PPEF1: variants seen among roughly 807,000 people sequenced by gnomAD.
The protein encoded by PPEF1 is serine/threonine-protein phosphatase with EF-hands 1.
Under a neutral mutation model 53.3 loss-of-function variants are expected in PPEF1, and 12 were observed. The ratio of observed to expected loss-of-function variants is 0.23; its 90% CI spans 0.14 to 0.36. The LOEUF is 0.36. PPEF1 is among the 10% of genes least tolerant of loss of function. The pLI is 1.00. For missense variants in PPEF1, 334 were observed against 490.4 expected (o/e 0.68, Z 3.01); for synonymous variants, 165 against 176.7 (o/e 0.93, Z 0.52).
At chrX:18,812,116 GT>G (rs1411206069) in intron 12 of PPEF1, among the ~76,000 whole-genome samples, 2 of 111,166 alleles carry the variant, frequency 1.8e-5, no homozygotes, top group Non-Finnish European at 1.9e-5. Flanking sequence ...AGTTTTATAG[GT>G]TTAGCTCCTA....
At chrX:18,711,094 A>G (rs765402704) in intron 1 of PPEF1, among the ~76,000 whole-genome samples, 45 of 105,207 alleles carry the variant, frequency 4.3e-4, no homozygotes, top group Admixed American at 7.4e-4. Flanking sequence ...GTGTGTGTGT[A>G]TATATATATA....
At chrX:18,772,476 G>A (rs924555209) in intron 6 of PPEF1, among the ~76,000 whole-genome samples, 6 of 110,167 alleles carry the variant, frequency 5.4e-5, no homozygotes, top group Non-Finnish European at 9.5e-5. Flanking sequence ...TTTTTGTTGC[G>A]TCTCTGCCAG....
At chrX:18,721,782 T>A (rs151130992) in intron 1 of PPEF1, among the ~76,000 whole-genome samples, 1 of 112,368 alleles carries the variant, frequency 8.9e-6, no homozygotes, top group East Asian at 2.8e-4. Context: ...ATTCTCGCTC[T>A]TGTCTCACTG....
At chrX:18,794,325 A>C (rs1422311822) in intron 10 of PPEF1, among the ~76,000 whole-genome samples, 2 of 112,103 alleles carry the variant, frequency 1.8e-5, no homozygotes, top group East Asian at 5.6e-4. Flanking sequence ...AACAATCTCC[A>C]TTGTTTTCAA....
intron 7 of PPEF1, among the ~76,000 whole-genome samples, chrX:18,781,231 G>A (rs866508403): frequency 9.0e-6 from 1 of 110,585 alleles, no homozygotes; most frequent in East Asian, 2.9e-4. Context: ...AGGTACTATT[G>A]AGTAGGCAGT....
upstream of PPEF1, among the ~76,000 whole-genome samples, chrX:18,682,838 A>G (rs1389406576): frequency 9.0e-6 from 1 of 111,129 alleles, no homozygotes; most frequent in Non-Finnish European, 1.9e-5. Flanking sequence ...CTGGTAGGGT[A>G]GGTGTATTAA....
intron 10 of PPEF1, among the ~76,000 whole-genome samples, chrX:18,797,985 C>T (rs944165817): frequency 2.7e-5 from 3 of 111,357 alleles, no homozygotes; most frequent in Non-Finnish European, 5.6e-5. Context: ...TGAGCCACTG[C>T]GCCCAGTCTT....
At chrX:18,745,133 TTATATTATATATATTATATATTATAA>T (rs2045297354) in intron 3 of PPEF1, among the ~76,000 whole-genome samples, 1 of 94,536 alleles carries the variant, frequency 1.1e-5, no homozygotes, top group Non-Finnish European at 2.0e-5. Flanking sequence ...TATTATATAA[TTATATTATATATATTATATATTATAA>T]TATAATTATA....
intron 9 of PPEF1, among the ~76,000 whole-genome samples, chrX:18,787,425 A>G (rs182294629): frequency 9.0e-6 from 1 of 111,435 alleles, no homozygotes; most frequent in Admixed American, 9.6e-5. Flanking sequence ...TTCTAAAACT[A>G]AGATTCTGGT....
At chrX:18,693,000 T>C (rs1266282601) in intron 4 of PPEF1, among the ~76,000 whole-genome samples, 1 of 111,835 alleles carries the variant, frequency 8.9e-6, no homozygotes, top group Non-Finnish European at 1.9e-5. Context: ...CTTCATAAAT[T>C]TGCTGAAAAA....
chrX:18,696,495 G>T (rs991502372), intron 4 of PPEF1, among the ~76,000 whole-genome samples: 2 of 110,991 alleles, frequency 1.8e-5, no homozygotes, highest in African/African-American at 6.6e-5. Flanking sequence ...AGTAAGTTTC[G>T]TGAGAATGGA....
Position 18,782,413 on chromosome X carries a change from CTTTT to C in PPEF1, c.762+24_762+27del, listed in dbSNP as rs11360277. On this transcript the variant is annotated intron_variant, in intron 8 of 15. Transcript: ENST00000470157. ...TTGCATAAATATAAGGTAAGACATG[CTTTT>C]TTTTTTTTTTTTAGTATTCACTTTG... is the stretch of plus-strand genomic sequence containing the variant. 186 of 933,288 alleles carry C rather than the reference CTTTT, an allele frequency of 2.0e-4. No homozygotes were observed. Among genetic ancestry groups the C allele is most frequent in the Admixed American group, 2.7e-4 (7 of 25,897 alleles). 76.9% of individuals were successfully genotyped at this position (933,288 alleles called of 1,213,427 possible).
chrX:18,683,364 T>C (rs1001284369), intron 1 of PPEF1, among the ~76,000 whole-genome samples: 1 of 111,320 alleles, frequency 9.0e-6, no homozygotes, highest in African/African-American at 3.3e-5. Flanking sequence ...CTAGCAGATA[T>C]TGAGGAAAAG....
At chrX:18,687,272 C>T (rs1439444850) in intron 3 of PPEF1, among the ~76,000 whole-genome samples, 7 of 110,973 alleles carry the variant, frequency 6.3e-5, no homozygotes, top group South Asian at 7.8e-4. Context: ...TAGAACAAAA[C>T]GGGGGTTTTA....
At chrX:18,717,813 C>A (rs1332145331) in intron 1 of PPEF1, among the ~76,000 whole-genome samples, 1 of 111,647 alleles carries the variant, frequency 9.0e-6, no homozygotes, top group African/African-American at 3.3e-5. Context: ...CTGGTTTTGT[C>A]ACTCTAACAC....
rs758221083 is a variant in PPEF1 at position 18,755,243 on chromosome X, C to T, written c.397-2384C>T. Among the ~76,000 whole-genome samples, 45 of 111,042 alleles carry T rather than the reference C, an allele frequency of 4.1e-4. 1 individual carries two copies. The highest frequency in any genetic ancestry group is 7.7e-4 in the Non-Finnish European group (41 of 52,919). On this transcript the variant is annotated intron_variant, in intron 4 of 15. Coordinates refer to ENST00000470157, the MANE Select transcript of PPEF1 (RefSeq NM_001377996.1). ...TTTTTTTAATTGAGAAAAAATTCAT[C>T]TAATGTAAAAGTGATCATTTAAATC...
At chrX:18,729,091 A>G (rs1450408392) in intron 1 of PPEF1, among the ~76,000 whole-genome samples, 1 of 112,155 alleles carries the variant, frequency 8.9e-6, no homozygotes, top group Non-Finnish European at 1.9e-5. Context: ...AAACAAGACA[A>G]TACTTCCAGT....
At chrX:18,769,764 G>A (rs1195281930) in intron 6 of PPEF1, among the ~76,000 whole-genome samples, 1 of 111,875 alleles carries the variant, frequency 8.9e-6, no homozygotes, top group Non-Finnish European at 1.9e-5. Context: ...TGAGGTGAAG[G>A]TAGTATGTTA....
intron 1 of PPEF1, among the ~76,000 whole-genome samples, chrX:18,711,566 T>G (rs1398591341): frequency 9.0e-6 from 1 of 111,648 alleles, no homozygotes; most frequent in Non-Finnish European, 1.9e-5. Flanking sequence ...TACAAATTCA[T>G]TTTTTGCATG....
Sources: gnomAD v4.1 joint callset for allele counts (sites outside exome capture counted in the v4.1 genomes callset) on GRCh38, gnomAD v4.1.1 for gene constraint, MANE v1.5 for transcripts, NCBI Gene and HGNC (gene_info 2026-07-23, HGNC 2026-07-21) for gene names.